The following ERC2 variants were observed in gnomAD, a reference collection of about 807,000 sequenced individuals.
The protein encoded by ERC2 is ELKS/RAB6-interacting/CAST family member 2, also known as ERC protein 2.
Under a neutral mutation model 114.8 loss-of-function variants are expected in ERC2, and 42 were observed. The observed-to-expected ratio is 0.37, with a 90% CI of 0.29 to 0.47. The LOEUF (loss-of-function observed/expected upper bound fraction) is 0.47. ERC2 is among the 20% of genes least tolerant of loss of function. The probability of loss-of-function intolerance (pLI) is 0.99; values close to 1 mark genes in which losing one functional copy is unlikely to be tolerated. For synonymous variants in ERC2, 454 were observed against 425.5 expected, an observed-to-expected ratio of 1.07 and a Z score of -0.82; for missense variants, 939 against 1,150.7, an observed-to-expected ratio of 0.82 and a Z score of 2.66.
At chr3:55,859,999 T>G (rs2061961732) in intron 14 of ERC2, among the ~76,000 whole-genome samples, 1 of 152,138 alleles carries the variant, frequency 6.6e-6, no homozygotes, top group Non-Finnish European at 1.5e-5. Context: ...TTCACAGATA[T>G]TTAAAGCACG....
intron 17 of ERC2, among the ~76,000 whole-genome samples, chr3:55,600,260 G>T (rs904950991): frequency 3.3e-5 from 5 of 152,160 alleles, no homozygotes; most frequent in African/African-American, 1.2e-4. Context: ...TTAATGCAAT[G>T]AAACACATAT....
At chr3:56,200,234 G>A (rs1426839521) in intron 3 of ERC2, among the ~76,000 whole-genome samples, 1 of 151,486 alleles carries the variant, frequency 6.6e-6, no homozygotes, top group Non-Finnish European at 1.5e-5. Context: ...CCCTCACACA[G>A]AGCAGGTTTA....
At chr3:55,531,434 C>T (rs2053660883) in intron 17 of ERC2, among the ~76,000 whole-genome samples, 1 of 152,076 alleles carries the variant, frequency 6.6e-6, no homozygotes, top group Non-Finnish European at 1.5e-5. Flanking sequence ...CTCCCTTGCC[C>T]CTGAACATTA....
intron 17 of ERC2, among the ~76,000 whole-genome samples, chr3:55,531,785 G>A (rs2053684407): frequency 6.6e-6 from 1 of 152,132 alleles, no homozygotes; most frequent in African/African-American, 2.4e-5. Context: ...CTTTCCCTGG[G>A]CCACCACTGG....
chr3:55,729,858 AAAAAAAAT>A (rs2065144493), intron 15 of ERC2, among the ~76,000 whole-genome samples: 1 of 148,794 alleles, frequency 6.7e-6, no homozygotes, highest in African/African-American at 2.5e-5. Flanking sequence ...AAAAAAAAAA[AAAAAAAAT>A]TGTAAGCTAC....
intron 14 of ERC2, among the ~76,000 whole-genome samples, chr3:55,739,144 T>G (rs2148934372): frequency 6.6e-6 from 1 of 152,370 alleles, no homozygotes; most frequent in Non-Finnish European, 1.5e-5. Context: ...CACATTTTCT[T>G]TATCCAGTCT....
chr3:55,831,751 G>C (rs7616716), intron 14 of ERC2, among the ~76,000 whole-genome samples: 24,622 of 152,122 alleles, frequency 0.16, 2,765 homozygotes, highest in South Asian at 0.32. Context: ...CAGAGAGTGG[G>C]TGCAGGACAG....
intron 14 of ERC2, among the ~76,000 whole-genome samples, chr3:55,877,754 C>A (rs934213951): frequency 1.3e-5 from 2 of 152,032 alleles, no homozygotes; most frequent in Non-Finnish European, 2.9e-5. Flanking sequence ...CCCAAGTGAT[C>A]CACTGGCCTC....
chr3:56,299,068 T>C (rs2055655417), intron 2 of ERC2, among the ~76,000 whole-genome samples: 2 of 151,696 alleles, frequency 1.3e-5, no homozygotes, highest in South Asian at 4.2e-4. Flanking sequence ...TCTATATATA[T>C]ATACATATAT....
intron 2 of ERC2, among the ~76,000 whole-genome samples, chr3:56,347,801 G>A (rs2058366427): frequency 6.6e-6 from 1 of 152,034 alleles, no homozygotes; most frequent in Non-Finnish European, 1.5e-5. Flanking sequence ...CTAACCCCAG[G>A]AATGGCAAAT....
chr3:55,545,746 G>A (rs7646961), intron 17 of ERC2, among the ~76,000 whole-genome samples: 16,122 of 152,152 alleles, frequency 0.11, 1,294 homozygotes, highest in African/African-American at 0.22. Flanking sequence ...ATGGCCAGCT[G>A]TGCTCATAGT....
intron 17 of ERC2, among the ~76,000 whole-genome samples, chr3:55,656,084 A>C (rs1170757927): frequency 7.0e-6 from 1 of 143,146 alleles, no homozygotes; most frequent in East Asian, 2.2e-4. Context: ...GCACAGGTAT[A>C]TCCATGGAAT....
chr3:56,009,317 G>A (rs759191548), intron 9 of ERC2, among the ~76,000 whole-genome samples: 9 of 152,174 alleles, frequency 5.9e-5, no homozygotes, highest in Non-Finnish European at 1.0e-4. Context: ...GCTAGGAAGA[G>A]AACTCCATTC....
At position 55,985,999 on chromosome 3, in the gene ERC2, C is replaced by T; in HGVS notation, c.2256-11G>A. On this transcript the variant is annotated splice_polypyrimidine_tract_variant and intron_variant, in intron 11 of 17. Coordinates refer to ENST00000288221, the MANE Select transcript of ERC2 (RefSeq NM_015576.3). ...GACCTGAGAGTCAAGCTGATTGGAGCAAGGGTGAAAGCAGCAATTTGGAGG... is the reference window on the plus strand; with the variant it reads ...GACCTGAGAGTCAAGCTGATTGGAGTAAGGGTGAAAGCAGCAATTTGGAGG... 6.5e-7 allele frequency: 1 copy of T among 1,539,518 alleles called. No homozygotes were observed. The highest frequency in any genetic ancestry group is 8.7e-7 in the Non-Finnish European group (1 of 1,148,170).
intron 12 of ERC2, among the ~76,000 whole-genome samples, chr3:55,971,437 A>G (rs1461314821): frequency 6.6e-6 from 1 of 152,228 alleles, no homozygotes; most frequent in African/African-American, 2.4e-5. Flanking sequence ...TTGTCCCTCC[A>G]TCTTCCCCAA....
intron 13 of ERC2, among the ~76,000 whole-genome samples, chr3:55,912,180 G>A (rs2064848431): frequency 6.6e-6 from 1 of 151,988 alleles, no homozygotes; most frequent in Non-Finnish European, 1.5e-5. Context: ...GGTGTGGAGA[G>A]AGAGGTGGTG....
intron 4 of ERC2, among the ~76,000 whole-genome samples, chr3:56,165,648 T>G (rs2082285353): frequency 6.6e-6 from 1 of 152,082 alleles, no homozygotes; most frequent in African/African-American, 2.4e-5. Flanking sequence ...TTAGGTCTTT[T>G]ATAGCTATTG....
chr3:56,229,862 CTT>C (rs34357962), intron 3 of ERC2, among the ~76,000 whole-genome samples: 1,124 of 56,292 alleles, frequency 0.02, 2 homozygotes, highest in African/African-American at 0.076. Context: ...AATATCTAGT[CTT>C]TTTTTTTTTT....
At chr3:55,897,325 A>AT (rs770887126) in intron 13 of ERC2, among the ~76,000 whole-genome samples, 3 of 152,038 alleles carry the variant, frequency 2.0e-5, no homozygotes, top group Non-Finnish European at 4.4e-5. Context: ...TGATAAAGCT[A>AT]TTTTTTCCCT....
Sources: allele counts gnomAD v4.1 joint callset (sites outside exome capture counted in the v4.1 genomes callset), GRCh38; gene constraint gnomAD v4.1.1; transcripts MANE v1.5; gene names NCBI Gene and HGNC (gene_info 2026-07-23, HGNC 2026-07-21).